Variants in ABLIM1 observed in about 807,000 individuals in gnomAD.
ABLIM1 encodes the protein actin-binding LIM protein 1.
Under a neutral mutation model 107.0 loss-of-function variants are expected in ABLIM1, and 40 were observed. The ratio of observed to expected loss-of-function variants is 0.37; its 90% CI spans 0.29 to 0.49. The LOEUF (loss-of-function observed/expected upper bound fraction) is 0.49, where lower values mean the gene tolerates loss of function less well. Among genes scored for constraint, ABLIM1 ranks in the 20% least tolerant of loss-of-function variants. The pLI, the probability that ABLIM1 is intolerant of heterozygous loss-of-function variation, is 0.97. For missense variants in ABLIM1, 857 were observed against 1,008.5 expected (o/e 0.85, Z 2.04); for synonymous variants, 357 against 357.3 (o/e 1.00, Z 0.01).
the ABLIM1 span, among the ~76,000 whole-genome samples, chr10:114,783,539 C>G: frequency 2.0e-5 from 3 of 151,710 alleles, no homozygotes; most frequent in Non-Finnish European, 2.9e-5. Context: ...ATGGAGCTAG[C>G]GCATGAAAGG....
intron 12 of ABLIM1, among the ~76,000 whole-genome samples, chr10:114,463,780 C>A (rs2064481482): frequency 6.6e-6 from 1 of 152,168 alleles, no homozygotes; most frequent in Non-Finnish European, 1.5e-5. Context: ...TTTAAATCAT[C>A]ATCTGGCATC....
chr10:114,468,888 A>G (rs1425527962), intron 10 of ABLIM1, among the ~76,000 whole-genome samples: 2 of 151,780 alleles, frequency 1.3e-5, no homozygotes, highest in Non-Finnish European at 2.9e-5. Flanking sequence ...CGTCTCTACT[A>G]AAAACTACAA....
chr10:114,483,341 G>C (rs2057677322), intron 8 of ABLIM1, among the ~76,000 whole-genome samples: 1 of 152,070 alleles, frequency 6.6e-6, no homozygotes, highest in Non-Finnish European at 1.5e-5. Context: ...CATGATCTTG[G>C]CTCACTGCAG....
intron 6 of ABLIM1, among the ~76,000 whole-genome samples, chr10:114,534,859 T>A (rs538852337): frequency 6.6e-6 from 1 of 152,346 alleles, no homozygotes; most frequent in East Asian, 1.9e-4. Flanking sequence ...AGCCCTTCCA[T>A]TTGTGCTGAC....
chr10:114,493,506 A>G (rs908458088), intron 6 of ABLIM1, among the ~76,000 whole-genome samples: 2 of 152,240 alleles, frequency 1.3e-5, no homozygotes, highest in South Asian at 2.1e-4. Context: ...ACTTTTACCA[A>G]TATCATTCTA....
chr10:114,522,078 C>G (rs995541753), intron 6 of ABLIM1, among the ~76,000 whole-genome samples: 1 of 152,056 alleles, frequency 6.6e-6, no homozygotes, highest in Non-Finnish European at 1.5e-5. Context: ...TGGACAGTGT[C>G]TGTGCTTGAG....
chr10:114,572,501 ATTTTAGAAGTCCCGAGG>A (rs1287353902), intron 3 of ABLIM1, among the ~76,000 whole-genome samples: 2 of 152,094 alleles, frequency 1.3e-5, no homozygotes, highest in African/African-American at 4.8e-5. Context: ...ACACCCTTAC[ATTTTAGAAGTCCCGAGG>A]AGAGGTGGTG....
At chr10:114,703,760 A>G (rs981409277) in intron 1 of ABLIM1, among the ~76,000 whole-genome samples, 6 of 152,234 alleles carry the variant, frequency 3.9e-5, no homozygotes, top group Non-Finnish European at 7.3e-5. Context: ...AAGATATTCA[A>G]TTAAAATAGT....
chr10:114,736,165 C>T (rs2082175501), intron 1 of ABLIM1, among the ~76,000 whole-genome samples: 1 of 152,114 alleles, frequency 6.6e-6, no homozygotes, highest in Admixed American at 6.6e-5. Context: ...TTAAAGTGCC[C>T]CCCAGGAACC....
At chr10:114,588,115 A>C (rs2074394934) in intron 2 of ABLIM1, among the ~76,000 whole-genome samples, 1 of 152,206 alleles carries the variant, frequency 6.6e-6, no homozygotes, top group Non-Finnish European at 1.5e-5. Flanking sequence ...CCCTAGCTTA[A>C]CCAGGGTTTT....
intron 4 of ABLIM1, among the ~76,000 whole-genome samples, chr10:114,564,502 ACCT>A (rs1276709319): frequency 4.6e-5 from 7 of 151,030 alleles, no homozygotes; most frequent in Non-Finnish European, 7.4e-5. Flanking sequence ...CAAACTCCTG[ACCT>A]CATGATCTGC....
At chr10:114,468,440 C>CT (rs944207318) in intron 10 of ABLIM1, among the ~76,000 whole-genome samples, 30 of 151,564 alleles carry the variant, frequency 2.0e-4, no homozygotes, top group Non-Finnish European at 2.8e-4. Context: ...CCCCCAGCTA[C>CT]TTTTTTTGTA....
chr10:114,514,336 A>T (rs1384978206), intron 6 of ABLIM1, among the ~76,000 whole-genome samples: 1 of 151,888 alleles, frequency 6.6e-6, no homozygotes, highest in Admixed American at 6.6e-5. Flanking sequence ...GAGCATTCTG[A>T]ATTATCAGCT....
chr10:114,773,130 A>G, the ABLIM1 span, among the ~76,000 whole-genome samples: 1 of 152,088 alleles, frequency 6.6e-6, no homozygotes, highest in East Asian at 1.9e-4. Context: ...GTCCTAAGAA[A>G]CAATTTTAAA....
intron 6 of ABLIM1, among the ~76,000 whole-genome samples, chr10:114,519,489 T>G (rs993902760): frequency 6.6e-6 from 1 of 152,140 alleles, no homozygotes; most frequent in Non-Finnish European, 1.5e-5. Context: ...ATCCCTCGGC[T>G]GGGAGAGGCA....
chr10:114,464,874 A>T (rs1038207643), intron 12 of ABLIM1, among the ~76,000 whole-genome samples: 4 of 152,164 alleles, frequency 2.6e-5, no homozygotes, highest in Admixed American at 1.3e-4. Context: ...CACTGTCACC[A>T]TTAAGTTTTA....
chr10:114,468,968 C>A (rs533128367), intron 10 of ABLIM1, among the ~76,000 whole-genome samples: 22 of 146,226 alleles, frequency 1.5e-4, no homozygotes, highest in Non-Finnish European at 2.5e-4. Flanking sequence ...AGGAGAATGG[C>A]GTGAACCCGG....
At chr10:114,632,374 C>A (rs1002536464) in intron 1 of ABLIM1, 1 of 985,400 alleles carries the variant, frequency 1.0e-6, no homozygotes, top group Non-Finnish European at 1.2e-6. Context: ...CAGCTAGAGA[C>A]GGTTCCAATA....
chr10:114,671,516 G>A (rs2080252761), intron 1 of ABLIM1, among the ~76,000 whole-genome samples: 1 of 152,192 alleles, frequency 6.6e-6, no homozygotes, highest in Non-Finnish European at 1.5e-5. Flanking sequence ...GAAGATGCAT[G>A]TTTTTCTTCT....
Sources: allele counts gnomAD v4.1 joint callset (sites outside exome capture counted in the v4.1 genomes callset), GRCh38; gene constraint gnomAD v4.1.1; transcripts MANE v1.5; gene names NCBI Gene and HGNC (gene_info 2026-07-23, HGNC 2026-07-21).